KIAA1217: variants seen among roughly 807,000 people sequenced by gnomAD.
The protein encoded by KIAA1217 is KIAA1217, also known as sickle tail protein homolog.
A neutral mutation model predicts 163.9 loss-of-function variants in KIAA1217; 88 were observed. The observed-to-expected ratio is 0.54, with a 90% confidence interval of 0.45 to 0.64. The LOEUF is 0.64. Among genes scored for constraint, KIAA1217 ranks in the 30% least tolerant of loss-of-function variants. The probability of loss-of-function intolerance (pLI) is 0.00; values close to 1 mark genes in which losing one functional copy is unlikely to be tolerated. For missense variants in KIAA1217, 2,372 were observed against 2,475.0 expected (o/e 0.96, Z 0.88); for synonymous variants, 903 against 923.1 (o/e 0.98, Z 0.39).
intron 1 of KIAA1217, among the ~76,000 whole-genome samples, chr10:23,878,137 A>G (rs1840780215): frequency 6.6e-6 from 1 of 151,994 alleles, no homozygotes; most frequent in Non-Finnish European, 1.5e-5. Context: ...GGCTGTGAGC[A>G]GTGCGAGACG....
chr10:23,747,210 A>C (rs932255436), intron 1 of KIAA1217, among the ~76,000 whole-genome samples: 56 of 152,310 alleles, frequency 3.7e-4, no homozygotes, highest in African/African-American at 1.1e-3. Flanking sequence ...AGCTAGAAAC[A>C]AGAAGGCTGC....
chr10:24,143,686 T>C (rs1288081700), intron 2 of KIAA1217, among the ~76,000 whole-genome samples: 1 of 152,128 alleles, frequency 6.6e-6, no homozygotes, highest in African/African-American at 2.4e-5. Flanking sequence ...GTATCCCATA[T>C]TCAGTCTCAC....
chr10:24,384,280 T>C (rs952985494), intron 3 of KIAA1217, among the ~76,000 whole-genome samples: 8 of 105,196 alleles, frequency 7.6e-5, no homozygotes, highest in African/African-American at 5.5e-4. Context: ...TGGTTTATCA[T>C]GAATTTTTTT....
chr10:24,145,266 G>A (rs555036922), intron 2 of KIAA1217, among the ~76,000 whole-genome samples: 1 of 152,170 alleles, frequency 6.6e-6, no homozygotes, highest in East Asian at 1.9e-4. Context: ...AAGCAATCTG[G>A]TCAAGGACAA....
chr10:24,083,345 G>T (rs951391764), intron 2 of KIAA1217, among the ~76,000 whole-genome samples: 6 of 152,252 alleles, frequency 3.9e-5, no homozygotes, highest in African/African-American at 1.4e-4. Context: ...GCTGGTGCAT[G>T]GGTGTCACCA....
intron 18 of KIAA1217, 47 bp downstream of exon 18, chr10:24,542,817 T>G (rs1412898079): frequency 3.1e-6 from 5 of 1,611,220 alleles, no homozygotes; most frequent in Non-Finnish European, 3.4e-6. Flanking sequence ...GCACATTAAG[T>G]ACCTGCCTCT....
chr10:23,946,950 C>T (rs566919552), intron 1 of KIAA1217, among the ~76,000 whole-genome samples: 1 of 152,138 alleles, frequency 6.6e-6, no homozygotes, highest in South Asian at 2.1e-4. Context: ...GGGGTGGTTA[C>T]CCCCATGCTG....
intron 1 of KIAA1217, among the ~76,000 whole-genome samples, chr10:23,748,338 G>A (rs1213895571): frequency 2.0e-5 from 3 of 151,600 alleles, no homozygotes; most frequent in African/African-American, 4.9e-5. Flanking sequence ...CCTTCCGATT[G>A]TAGATTCTAT....
intron 2 of KIAA1217, among the ~76,000 whole-genome samples, chr10:24,028,601 C>T (rs889067446): frequency 2.0e-5 from 3 of 152,206 alleles, no homozygotes; most frequent in South Asian, 4.2e-4. Context: ...GTCCAAGGAG[C>T]ATGTGACCAA....
chr10:23,885,289 A>ACT (rs1414217554), intron 1 of KIAA1217, among the ~76,000 whole-genome samples: 1 of 151,818 alleles, frequency 6.6e-6, no homozygotes, highest in East Asian at 2.0e-4. Context: ...CTTAAGATCT[A>ACT]CTCTCTTAGC....
chr10:23,926,664 G>A (rs946238480), intron 1 of KIAA1217, among the ~76,000 whole-genome samples: 1 of 152,004 alleles, frequency 6.6e-6, no homozygotes, highest in Non-Finnish European at 1.5e-5. Flanking sequence ...GGCGGAGGTT[G>A]CAGTGAGCTG....
intron 2 of KIAA1217, among the ~76,000 whole-genome samples, chr10:24,068,569 A>G (rs1269311304): frequency 1.3e-5 from 2 of 152,158 alleles, no homozygotes; most frequent in East Asian, 3.9e-4. Flanking sequence ...AAAAACTACC[A>G]CTTTGCCCAG....
intron 1 of KIAA1217, among the ~76,000 whole-genome samples, chr10:23,905,355 T>G (rs1000987180): frequency 6.6e-6 from 1 of 152,062 alleles, no homozygotes; most frequent in Non-Finnish European, 1.5e-5. Flanking sequence ...CCCGGTGGCA[T>G]GTCCTGCCCC....
At chr10:24,175,908 G>C (rs961960670) in intron 2 of KIAA1217, among the ~76,000 whole-genome samples, 1 of 152,198 alleles carries the variant, frequency 6.6e-6, no homozygotes, top group Non-Finnish European at 1.5e-5. Context: ...GAGTGTTACA[G>C]CTCATAAAGG....
At chr10:23,933,114 A>G (rs1229233626) in intron 1 of KIAA1217, among the ~76,000 whole-genome samples, 1 of 152,230 alleles carries the variant, frequency 6.6e-6, no homozygotes, top group Non-Finnish European at 1.5e-5. Context: ...TACTTCTCAT[A>G]TAATAAAATC....
intron 9 of KIAA1217, among the ~76,000 whole-genome samples, chr10:24,511,172 A>AAAAAAAAAAAAAC (rs1554918365): frequency 8.6e-6 from 1 of 115,698 alleles, no homozygotes; most frequent in Admixed American, 9.2e-5. Flanking sequence ...AAAAAAAAAA[A>AAAAAAAAAAAAAC]AGGAGCCTGG....
Position 24,531,966 on chromosome 10 carries a change from C to T in KIAA1217, c.3219C>T (p.Thr1073=), listed in dbSNP as rs200882193. The stretch of plus-strand genomic sequence containing the variant: ...CGAGGTCAGGCGATGTGGTCTACAC[C>T]GGCAGAAAGGAGAACATCACCGCTA... ...TTTRSGDVVY[T]GRKENITAKA... The change falls in exon 15 of 21, where the codon ACC becomes ACT. Residue 1073 remains threonine, a synonymous_variant. Coordinates refer to ENST00000376454, the MANE Select transcript of KIAA1217 (RefSeq NM_019590.5). The T allele has an allele frequency of 2.8e-4, 449 of 1,585,300 alleles. 2 individuals carry two copies. The highest frequency in any genetic ancestry group is 2.8e-5 in the Non-Finnish European group (33 of 1,162,478).
intron 2 of KIAA1217, among the ~76,000 whole-genome samples, chr10:24,225,207 C>G (rs1442005565): frequency 1.3e-5 from 2 of 152,132 alleles, no homozygotes; most frequent in African/African-American, 4.8e-5. Flanking sequence ...CTCACTGCAG[C>G]CTTGAACTCC....
chr10:24,531,776 T>G, intron 14 of KIAA1217, 54 bp from the exon 15 acceptor site: 1 of 1,486,982 alleles, frequency 6.7e-7, no homozygotes, highest in Non-Finnish European at 9.0e-7. Context: ...TACCAGACTT[T>G]CTGGATGTTT....
Sources: allele counts gnomAD v4.1 joint callset (sites outside exome capture counted in the v4.1 genomes callset), GRCh38; gene constraint gnomAD v4.1.1; transcripts MANE v1.5; gene names NCBI Gene and HGNC (gene_info 2026-07-23, HGNC 2026-07-21).